Variants in USP36 observed in about 807,000 individuals in gnomAD.
USP36 encodes ubiquitin carboxyl-terminal hydrolase 36.
In USP36, 59 loss-of-function variants were observed where a neutral mutation model predicts 111.5. The ratio of observed to expected loss-of-function variants is 0.53; its 90% CI spans 0.43 to 0.66. The LOEUF is 0.66. Ranked by LOEUF, USP36 falls within the 30% of genes least tolerant of loss-of-function variation. USP36 has a pLI of 0.00. For synonymous variants in USP36, 628 were observed against 581.0 expected (o/e 1.08, Z -1.16); for missense variants, 1,488 against 1,468.0 (o/e 1.01, Z -0.22).
At chr17:78,827,015 C>CGCCCCGGACCAGCAGGACGT in intron 6 of USP36, 1 of 665,268 alleles carries the variant, frequency 1.5e-6, no homozygotes. Context: ...CCTACCAAGC[C>CGCCCCGGACCAGCAGGACGT]GCCCCGGACC....
intron 3 of USP36, among the ~76,000 whole-genome samples, chr17:78,790,272 T>G (rs2093572033): frequency 6.6e-6 from 1 of 151,412 alleles, no homozygotes; most frequent in Non-Finnish European, 1.5e-5. Flanking sequence ...GTATTTTTAG[T>G]GGAGATATGG....
In USP36 at chr17:78,821,081, G is replaced by C. The variant is rs979187280; in HGVS notation, c.758-20C>G. 1 of 1,583,948 alleles carries C rather than the reference G, an allele frequency of 6.3e-7. No homozygotes were observed. Among genetic ancestry groups the C allele is most frequent in the African/African-American group, 1.3e-5 (1 of 74,452 alleles). ...ACTTCACTGCAACAGAACAGAGGCAGTGGAGCAGGTGGGGCCTGGCAGAGG... is the reference window on the plus strand; with the variant it reads ...ACTTCACTGCAACAGAACAGAGGCACTGGAGCAGGTGGGGCCTGGCAGAGG... On this transcript the variant is annotated intron_variant, in intron 7 of 20. Transcript: ENST00000449938.
intron 17 of USP36, among the ~76,000 whole-genome samples, chr17:78,802,088 C>T (rs1013600815): frequency 6.6e-6 from 1 of 151,340 alleles, no homozygotes; most frequent in Non-Finnish European, 1.5e-5. Flanking sequence ...CACACCCACG[C>T]GGTCCCCCAC....
chr17:78,840,540 A>G (rs2069189146), intron 1 of USP36, 196 bp downstream of exon 1: 1 of 152,230 alleles, frequency 6.6e-6, no homozygotes, highest in South Asian at 2.1e-4. Flanking sequence ...GCTCTGGAGA[A>G]GCGAGCTCGC....
chr17:78,806,458 G>GAAGA, intron 14 of USP36, among the ~76,000 whole-genome samples, 172 bp from the exon 15 acceptor site: 1 of 152,188 alleles, frequency 6.6e-6, no homozygotes. Flanking sequence ...AATGGTAGAA[G>GAAGA]AAGAACCAGA....
chr17:78,834,997 GTATA>G (rs10527657), intron 4 of USP36, among the ~76,000 whole-genome samples: 34 of 141,338 alleles, frequency 2.4e-4, no homozygotes, highest in Admixed American at 3.5e-4. Context: ...AATAATATTT[GTATA>G]TATATATATA....
intron 6 of USP36, among the ~76,000 whole-genome samples, chr17:78,823,731 G>C (rs945704644): frequency 1.3e-5 from 2 of 152,166 alleles, no homozygotes; most frequent in African/African-American, 4.8e-5. Context: ...GAAGGGCAGT[G>C]AAGGGCAAGA....
At chr17:78,827,674 G>A (rs905956576) in intron 5 of USP36, among the ~76,000 whole-genome samples, 25 of 152,008 alleles carry the variant, frequency 1.6e-4, no homozygotes, top group African/African-American at 5.8e-4. Flanking sequence ...AGGCCTGGGT[G>A]GGAGGATCAC....
At chr17:78,821,364 C>T (rs1178953274) in intron 7 of USP36, 5 of 211,810 alleles carry the variant, frequency 2.4e-5, no homozygotes, top group East Asian at 1.3e-4. Context: ...TCCCTGCACG[C>T]GTGCACGGCA....
chr17:78,806,814 T>G, intron 14 of USP36, 145 bp downstream of exon 14: 1 of 1,184,088 alleles, frequency 8.4e-7, no homozygotes, highest in Non-Finnish European at 1.2e-6. Flanking sequence ...TGCAAATGGC[T>G]GGGAACGACT....
At chr17:78,807,684 AGCT>A in intron 13 of USP36, 48 bp from the exon 14 acceptor site, 1 of 1,496,772 alleles carries the variant, frequency 6.7e-7, no homozygotes, top group East Asian at 2.3e-5. Flanking sequence ...GAGAAGTCTC[AGCT>A]GGGCCACATC....
intron 3 of USP36, 96 bp downstream of exon 3, chr17:78,836,015 T>C (rs1235041307): frequency 2.6e-6 from 4 of 1,523,358 alleles, no homozygotes; most frequent in Non-Finnish European, 3.5e-6. Flanking sequence ...TTGACCACAT[T>C]CTCTTGTTTT....
At chr17:78,835,071 G>A (rs183156381) in intron 4 of USP36, among the ~76,000 whole-genome samples, 2 of 151,540 alleles carry the variant, frequency 1.3e-5, no homozygotes, top group Non-Finnish European at 2.9e-5. Context: ...TTACAGAAAA[G>A]CTTGGCGAAC....
rs1052354794 is a variant in USP36 at position 78,836,173 on chromosome 17, T to C, written c.191A>G (p.Asn64Ser). 5 of 1,613,970 alleles carry C rather than the reference T, an allele frequency of 3.1e-6. No individual in the cohort carries two copies. Among genetic ancestry groups the C allele is most frequent in the Non-Finnish European group, 4.2e-6 (5 of 1,180,040 alleles). The change falls in exon 3 of 21, where the codon AAC becomes AGC. Residue 64 changes from asparagine to serine, a missense_variant. Transcript: ENST00000449938. Reference protein sequence around the residue: ...EALKSKYVLLNPKTEGASRHK... With the variant: ...EALKSKYVLLSPKTEGASRHK... ...GCGACTAGCTCCCTCTGTTTTGGGG[T>C]TGAGCAACACATATTTGCTCTTTAA...
At chr17:78,825,582 T>C (rs1365464135) in intron 6 of USP36, among the ~76,000 whole-genome samples, 1 of 152,098 alleles carries the variant, frequency 6.6e-6, no homozygotes, top group South Asian at 2.1e-4. Context: ...CCCACCCCAA[T>C]GCCCAGACCG....
rs1052978753 is a variant in USP36 at position 78,803,312 on chromosome 17, T to TG, written c.2810+72dup. 6.7e-7 allele frequency: 1 copy of TG among 1,487,606 alleles called. No homozygotes were observed. Among genetic ancestry groups the TG allele is most frequent in the Non-Finnish European group, 9.2e-7 (1 of 1,089,110 alleles). 92.2% of individuals were successfully genotyped at this position (1,487,606 alleles called of 1,614,324 possible). Reference sequence around the variant, plus strand: ...ACTACGTTTCCAGACCATACCTACTTGGGGGTAGATTCTGTGGTTTTGCTT... The same window carrying TG: ...ACTACGTTTCCAGACCATACCTACTTGGGGGGTAGATTCTGTGGTTTTGCTT... On this transcript the variant is annotated intron_variant, in intron 16 of 20. Transcript: ENST00000449938. The surrounding 1 kb of genome is among the most constrained non-coding windows in gnomAD (Gnocchi z 4.6).
downstream of USP36, among the ~76,000 whole-genome samples, chr17:78,793,704 C>A (rs533206472): frequency 6.9e-6 from 1 of 144,332 alleles, no homozygotes; most frequent in East Asian, 1.9e-4. Flanking sequence ...AGACTTGAGG[C>A]AGGGATTCTC....
chr17:78,790,767 C>G (rs1391710189), downstream of USP36, among the ~76,000 whole-genome samples: 1 of 152,190 alleles, frequency 6.6e-6, no homozygotes, highest in African/African-American at 2.4e-5. Context: ...CATTTCGCAG[C>G]AAGTATTTGC....
downstream of USP36, chr17:78,792,179 A>G (rs2093589321): frequency 6.6e-6 from 1 of 152,406 alleles, no homozygotes; most frequent in Non-Finnish European, 1.5e-5. Context: ...ACAGAGCAAA[A>G]TGAATGTCAA....
Sources: gnomAD v4.1 joint callset for allele counts (sites outside exome capture counted in the v4.1 genomes callset) on GRCh38, gnomAD v4.1.1 for gene constraint, Gnocchi (gnomAD v3.1) non-coding constraint, MANE v1.5 for transcripts, NCBI Gene and HGNC (gene_info 2026-07-23, HGNC 2026-07-21) for gene names.